Variants in AGBL1 observed in about 807,000 individuals in gnomAD.
The protein encoded by AGBL1 is cytosolic carboxypeptidase 4.
Under a neutral mutation model 118.9 loss-of-function variants are expected in AGBL1, and 130 were observed. The ratio of observed to expected loss-of-function variants is 1.09; its 90% CI spans 0.95 to 1.26. The LOEUF (loss-of-function observed/expected upper bound fraction) is 1.26, where lower values mean the gene tolerates loss of function less well. AGBL1 is among the 50% of genes most tolerant of loss of function. AGBL1 has a pLI of 0.00. For missense variants in AGBL1, 1,584 were observed against 1,298.1 expected, an observed-to-expected ratio of 1.22 and a Z score of -3.38; for synonymous variants, 555 against 478.9, an observed-to-expected ratio of 1.16 and a Z score of -2.08.
intron 15 of AGBL1, among the ~76,000 whole-genome samples, chr15:86,278,335 A>G (rs2079291123): frequency 6.6e-6 from 1 of 152,194 alleles, no homozygotes; most frequent in Admixed American, 6.5e-5. Flanking sequence ...CCCTAGCATG[A>G]CCAAGGCTCC....
intron 22 of AGBL1, among the ~76,000 whole-genome samples, chr15:86,749,796 A>G (rs972638383): frequency 2.0e-5 from 3 of 152,162 alleles, no homozygotes; most frequent in Admixed American, 6.6e-5. Context: ...GGTTCTGTTT[A>G]TATGCTGGAT....
At chr15:86,631,708 CAGA>C (rs1239988899) in intron 21 of AGBL1, among the ~76,000 whole-genome samples, 2 of 152,148 alleles carry the variant, frequency 1.3e-5, no homozygotes, top group Admixed American at 6.5e-5. Context: ...CAGGGAGATG[CAGA>C]AGAAGGCTGT....
chr15:86,108,319 G>A, intron 1 of AGBL1, among the ~76,000 whole-genome samples: 1 of 152,156 alleles, frequency 6.6e-6, no homozygotes, highest in East Asian at 1.9e-4. Flanking sequence ...AGTGTCTTCT[G>A]TTTAAGGGCA....
intron 17 of AGBL1, among the ~76,000 whole-genome samples, chr15:86,356,058 T>C (rs2080712030): frequency 6.6e-6 from 1 of 152,176 alleles, no homozygotes; most frequent in African/African-American, 2.4e-5. Context: ...AACAGAGCTA[T>C]CTTCTGCGTT....
rs566105276 is a variant in AGBL1 at position 86,416,434 on chromosome 15, C to G, written c.2555+18888C>G. On this transcript the variant is annotated intron_variant, in intron 18 of 22. Coordinates refer to ENST00000614907, the MANE Select transcript of AGBL1 (RefSeq NM_001386094.1). ...TGAGTCCTGATCAGGCTGGGCTTCT[C>G]TCTAGAAGGGGAGACTGCAGCACAT... 9.2e-5 allele frequency among the ~76,000 whole-genome samples: 14 copies of G among 152,252 alleles called. 1 individual carries two copies. The South Asian group carries it at 2.9e-3, about 31-fold the overall frequency.
At chr15:86,243,058 T>C (rs2141980931) in intron 6 of AGBL1, among the ~76,000 whole-genome samples, 1 of 152,354 alleles carries the variant, frequency 6.6e-6, no homozygotes, top group South Asian at 2.1e-4. Context: ...TGTCAACCTG[T>C]GGACTGCTTG....
chr15:86,863,000 A>G (rs1046169538), intron 22 of AGBL1, among the ~76,000 whole-genome samples: 11 of 152,340 alleles, frequency 7.2e-5, no homozygotes, highest in Admixed American at 2.0e-4. Context: ...TGATTTGCCA[A>G]TAGGCTTGCT....
At position 86,405,448 on chromosome 15, in the gene AGBL1, G is replaced by A. The variant is rs563270093; in HGVS notation, c.2555+7902G>A. ...GGAGAATGGCATGAACCTGGGAGGCGGAGCTTGCAAGTGAGCCAAGATCAC... is the reference window on the plus strand; with the variant it reads ...GGAGAATGGCATGAACCTGGGAGGCAGAGCTTGCAAGTGAGCCAAGATCAC... On this transcript the variant is annotated intron_variant, in intron 18 of 22. Coordinates refer to ENST00000614907, the MANE Select transcript of AGBL1 (RefSeq NM_001386094.1). 9.2e-5 allele frequency among the ~76,000 whole-genome samples: 14 copies of A among 151,998 alleles called. No homozygotes were observed. The East Asian group carries it at 9.7e-4, about 11-fold the overall frequency.
chr15:86,380,140 C>G (rs1050637431), intron 17 of AGBL1, among the ~76,000 whole-genome samples: 1 of 152,032 alleles, frequency 6.6e-6, no homozygotes, highest in Non-Finnish European at 1.5e-5. Flanking sequence ...GAAAAACTGA[C>G]GACCAAAAAA....
chr15:86,394,475 A>G (rs2081334602), intron 17 of AGBL1, among the ~76,000 whole-genome samples: 1 of 152,126 alleles, frequency 6.6e-6, no homozygotes, highest in South Asian at 2.1e-4. Context: ...AGGTAATATT[A>G]TTATAAGGAT....
intron 17 of AGBL1, among the ~76,000 whole-genome samples, chr15:86,356,687 A>T (rs766102895): frequency 1.3e-5 from 2 of 152,170 alleles, no homozygotes; most frequent in Non-Finnish European, 2.9e-5. Flanking sequence ...GCAGGGCTAC[A>T]GTTCCTGAGA....
intron 22 of AGBL1, among the ~76,000 whole-genome samples, chr15:86,814,595 G>A (rs1411269557): frequency 1.3e-5 from 2 of 152,202 alleles, no homozygotes; most frequent in African/African-American, 4.8e-5. Context: ...AGGAGTGGAA[G>A]AGAATAAAGT....
intron 22 of AGBL1, among the ~76,000 whole-genome samples, chr15:86,856,845 G>A (rs1346210792): frequency 1.3e-5 from 2 of 152,190 alleles, no homozygotes; most frequent in Non-Finnish European, 2.9e-5. Flanking sequence ...AGGCATCACT[G>A]TACTATGCTG....
chr15:86,680,689 C>G (rs1159123906), intron 22 of AGBL1, among the ~76,000 whole-genome samples: 6 of 149,056 alleles, frequency 4.0e-5, no homozygotes, highest in Non-Finnish European at 8.9e-5. Flanking sequence ...GCCTTAGTCT[C>G]TTGAGTAGCT....
At chr15:86,423,616 A>G (rs564291397) in intron 18 of AGBL1, among the ~76,000 whole-genome samples, 3 of 152,338 alleles carry the variant, frequency 2.0e-5, no homozygotes, top group South Asian at 2.1e-4. Flanking sequence ...TGCAGATGAC[A>G]TGATTGTATA....
At chr15:87,021,576 A>G (rs140229740) in intron 24 of AGBL1, among the ~76,000 whole-genome samples, 1 of 152,308 alleles carries the variant, frequency 6.6e-6, no homozygotes, top group African/African-American at 2.4e-5. Context: ...AAATAGGAGA[A>G]AATTTTTGCA....
chr15:86,513,163 ATGT>A, intron 18 of AGBL1, among the ~76,000 whole-genome samples: 1 of 152,074 alleles, frequency 6.6e-6, no homozygotes, highest in Non-Finnish European at 1.5e-5. Context: ...CATTCCAATA[ATGT>A]TGTTTTTCCA....
At chr15:86,109,628 T>C (rs1897246631) in intron 1 of AGBL1, 1 of 152,224 alleles carries the variant, frequency 6.6e-6, no homozygotes, top group Non-Finnish European at 1.5e-5. Context: ...TTTGGGGTAA[T>C]ATCAAGTAAA....
At chr15:86,709,091 T>G (rs1199037353) in intron 22 of AGBL1, among the ~76,000 whole-genome samples, 6 of 152,140 alleles carry the variant, frequency 3.9e-5, no homozygotes, top group Admixed American at 1.3e-4. Flanking sequence ...TTATACTACA[T>G]TAATTCTTGT....
Sources: allele counts gnomAD v4.1 joint callset (sites outside exome capture counted in the v4.1 genomes callset), GRCh38; gene constraint gnomAD v4.1.1; transcripts MANE v1.5; gene names NCBI Gene and HGNC (gene_info 2026-07-23, HGNC 2026-07-21).